FKTN: variants seen among roughly 807,000 people sequenced by gnomAD.
The protein encoded by FKTN is ribitol-5-phosphate transferase FKTN.
A neutral mutation model predicts 58.6 loss-of-function variants in FKTN; 47 were observed. That is an observed-to-expected ratio of 0.80 (90% confidence interval 0.63 to 1.02). FKTN has a LOEUF of 1.02. Ranked by LOEUF, FKTN falls within the 50% of genes least tolerant of loss-of-function variation. The probability of loss-of-function intolerance (pLI) is 0.00; values close to 1 mark genes in which losing one functional copy is unlikely to be tolerated. For missense variants in FKTN, 516 were observed against 537.3 expected (o/e 0.96, Z 0.39); for synonymous variants, 178 against 191.9 (o/e 0.93, Z 0.60).
In FKTN at chr9:105,636,693, A is replaced by G. The variant is rs1403758526; in HGVS notation, c.*1429A>G. The G allele has an allele frequency of 2.3e-6, 3 of 1,284,204 alleles. No individual in the cohort carries two copies. The highest frequency in any genetic ancestry group is 2.3e-5 in the Admixed American group (1 of 43,138). 79.6% of individuals were successfully genotyped at this position (1,284,204 alleles called of 1,614,324 possible). On this transcript the variant is annotated 3_prime_UTR_variant, in exon 11 of 11. Transcript: ENST00000357998. ...TCTAGGAAAGGAAGCTGAATCTTATATCTTATCTATGCTATTTAGGACTAC... is the reference window on the plus strand; with the variant it reads ...TCTAGGAAAGGAAGCTGAATCTTATGTCTTATCTATGCTATTTAGGACTAC...
In FKTN at chr9:105,594,607, G is replaced by A. The variant is rs551306181; in HGVS notation, c.106-1991G>A. 7.1e-4 allele frequency among the ~76,000 whole-genome samples: 108 copies of A among 152,272 alleles called. 3 individuals are homozygous for A. In the South Asian group the frequency reaches 0.016, roughly 22 times the overall value. On this transcript the variant is annotated intron_variant, in intron 3 of 10. Coordinates refer to ENST00000357998, the MANE Select transcript of FKTN (RefSeq NM_001079802.2). ...AAAAATACAAAAATTAGCCAGGTGT[G>A]GTAGTGCATGCCTCTATAGTTTCAG...
intron 3 of FKTN, among the ~76,000 whole-genome samples, chr9:105,582,016 T>A (rs1274153784): frequency 6.6e-6 from 1 of 152,184 alleles, no homozygotes; most frequent in African/African-American, 2.4e-5. Flanking sequence ...TGCCTCGCCC[T>A]GCTTCGGCTC....
At chr9:105,563,292 CGGACAGTGGGTGCA>C (rs892367039) in intron 1 of FKTN, among the ~76,000 whole-genome samples, 9 of 152,144 alleles carry the variant, frequency 5.9e-5, no homozygotes, top group Admixed American at 2.6e-4. Flanking sequence ...TGGGGATTAT[CGGACAGTGGGTGCA>C]GGACAGTGGG....
intron 10 of FKTN, among the ~76,000 whole-genome samples, chr9:105,629,008 A>G (rs937520941): frequency 2.0e-5 from 3 of 152,200 alleles, no homozygotes; most frequent in Non-Finnish European, 4.4e-5. Flanking sequence ...AGGTATATAC[A>G]TTTATCAAAA....
chr9:105,614,884 C>CTTTTT (rs35592716), intron 7 of FKTN, among the ~76,000 whole-genome samples: 6 of 144,682 alleles, frequency 4.1e-5, no homozygotes, highest in Non-Finnish European at 6.1e-5. Context: ...TCCTTTCTTT[C>CTTTTT]TTTTTTTTTT....
Position 105,636,568 on chromosome 9 carries a change from C to A in FKTN, c.*1304C>A, listed in dbSNP as rs1834051340. The A allele has an allele frequency of 9.5e-7, 1 of 1,054,842 alleles. No individual in the cohort carries two copies. The highest frequency in any genetic ancestry group is 1.7e-5 in the African/African-American group (1 of 59,288). 65.3% of individuals were successfully genotyped at this position (1,054,842 alleles called of 1,614,324 possible). On this transcript the variant is annotated 3_prime_UTR_variant, in exon 11 of 11. Transcript: ENST00000357998. ...CAAGATGTCTGAGTCAGCTAGGATG[C>A]TGTTTACCCCATCTCTCTCTTATAT...
At chr9:105,601,952 G>T (rs550004245) in intron 5 of FKTN, among the ~76,000 whole-genome samples, 1 of 152,230 alleles carries the variant, frequency 6.6e-6, no homozygotes, top group East Asian at 1.9e-4. Flanking sequence ...GATATGTATT[G>T]CTGTGTGCAG....
In FKTN at chr9:105,638,920, T is replaced by C; in HGVS notation, c.*3656T>C. On this transcript the variant is annotated 3_prime_UTR_variant, in exon 11 of 11. Coordinates refer to ENST00000357998, the MANE Select transcript of FKTN (RefSeq NM_001079802.2). ...GATATTACATAGGTAAGCAGGAATTTATACATTGGGTACCAGAGCTAAATC... is the reference window on the plus strand; with the variant it reads ...GATATTACATAGGTAAGCAGGAATTCATACATTGGGTACCAGAGCTAAATC... The C allele has an allele frequency of 3.0e-6, 3 of 985,342 alleles. No homozygotes were observed. The highest frequency in any genetic ancestry group is 3.6e-6 in the Non-Finnish European group (3 of 829,884). The allele number at this position is 985,342 out of a possible 1,614,324, so 61.0% of individuals were successfully genotyped here. A position where few individuals can be genotyped will look rare whatever the true frequency, so the allele number is the denominator to read the frequency against.
At chr9:105,631,875 C>T (rs1172044603) in intron 10 of FKTN, among the ~76,000 whole-genome samples, 2 of 150,828 alleles carry the variant, frequency 1.3e-5, no homozygotes, top group Non-Finnish European at 2.9e-5. Flanking sequence ...CCTCAGGGAT[C>T]TAGAACTGGA....
In FKTN at chr9:105,636,270, T is replaced by TAA; in HGVS notation, c.*1007_*1008insAA. On this transcript the variant is annotated 3_prime_UTR_variant, in exon 11 of 11. Coordinates refer to ENST00000357998, the MANE Select transcript of FKTN (RefSeq NM_001079802.2). The stretch of plus-strand genomic sequence containing the variant: ...CTCTTTATTATCTTCATTTATCAAT[T>TAA]ACAGCTTCGTATCTCTAATTTATGG... 1.1e-6 allele frequency: 1 copy of TAA among 947,356 alleles called. No individual in the cohort carries two copies. Among genetic ancestry groups the TAA allele is most frequent in the Non-Finnish European group, 1.3e-6 (1 of 795,394 alleles). 58.7% of individuals were successfully genotyped at this position (947,356 alleles called of 1,614,324 possible).
Position 105,636,876 on chromosome 9 carries a change from T to G in FKTN, c.*1612T>G, listed in dbSNP as rs977794653. 1.8e-6 allele frequency: 2 copies of G among 1,115,484 alleles called. No homozygotes were observed. The highest frequency in any genetic ancestry group is 2.3e-6 in the Non-Finnish European group (2 of 885,980). 69.1% of individuals were successfully genotyped at this position (1,115,484 alleles called of 1,614,324 possible). On this transcript the variant is annotated 3_prime_UTR_variant, in exon 11 of 11. Coordinates refer to ENST00000357998, the MANE Select transcript of FKTN (RefSeq NM_001079802.2). Reference sequence around the variant, plus strand: ...CCCATTCCGGATTTGTAAAGCAACATGAAAACCTTTGATAAATGATAACCA... The same window carrying G: ...CCCATTCCGGATTTGTAAAGCAACAGGAAAACCTTTGATAAATGATAACCA...
intron 3 of FKTN, among the ~76,000 whole-genome samples, chr9:105,593,814 A>G (rs12002533): frequency 6.6e-6 from 1 of 152,206 alleles, no homozygotes; most frequent in Non-Finnish European, 1.5e-5. Flanking sequence ...ATAAGTATTG[A>G]TAATTGACCG....
chr9:105,566,091 T>G (rs1257391345), intron 1 of FKTN, among the ~76,000 whole-genome samples: 1 of 152,184 alleles, frequency 6.6e-6, no homozygotes, highest in Non-Finnish European at 1.5e-5. Flanking sequence ...AAGATGTGCT[T>G]TGAAACCAAG....
At chr9:105,591,806 C>A (rs1844928130) in intron 3 of FKTN, among the ~76,000 whole-genome samples, 1 of 152,264 alleles carries the variant, frequency 6.6e-6, no homozygotes, top group South Asian at 2.1e-4. Flanking sequence ...GCTCCATTAG[C>A]AGCAAGCTTC....
chr9:105,611,798 A>G (rs1829964710), intron 7 of FKTN, among the ~76,000 whole-genome samples: 1 of 152,170 alleles, frequency 6.6e-6, no homozygotes, highest in African/African-American at 2.4e-5. Flanking sequence ...ATAGTGCTGC[A>G]GGGAACACAC....
chr9:105,620,207 C>T, intron 10 of FKTN, 146 bp downstream of exon 10: 7 of 642,978 alleles, frequency 1.1e-5, no homozygotes, highest in Non-Finnish European at 1.9e-5. Context: ...CCCATAGAGT[C>T]CAGTTATGCC....
intron 1 of FKTN, among the ~76,000 whole-genome samples, chr9:105,566,419 GA>G (rs540797908): frequency 9.0e-4 from 137 of 152,032 alleles, no homozygotes; most frequent in Middle Eastern, 6.8e-3. Flanking sequence ...TAATAAAGAA[GA>G]AAAGAGAGAA....
At chr9:105,622,615 A>G (rs1832156883) in intron 10 of FKTN, among the ~76,000 whole-genome samples, 1 of 152,018 alleles carries the variant, frequency 6.6e-6, no homozygotes, top group Non-Finnish European at 1.5e-5. Flanking sequence ...GAGTGAAGTA[A>G]CTTACTCGAG....
intron 4 of FKTN, 115 bp from the exon 5 acceptor site, chr9:105,601,030 G>A (rs976129071): frequency 1.5e-6 from 1 of 669,806 alleles, no homozygotes; most frequent in African/African-American, 1.8e-5. Flanking sequence ...TGATAAGCAT[G>A]GTATCTATTG....
Sources: gnomAD v4.1 joint callset for allele counts (sites outside exome capture counted in the v4.1 genomes callset) on GRCh38, gnomAD v4.1.1 for gene constraint, MANE v1.5 for transcripts, NCBI Gene and HGNC (gene_info 2026-07-23, HGNC 2026-07-21) for gene names.